The following NUDCD3 variants were observed in gnomAD, a reference collection of about 807,000 sequenced individuals.
NUDCD3 encodes nudC domain-containing protein 3.
NUDCD3 carries 13 observed loss-of-function variants against 39.7 expected under a neutral mutation model. The ratio of observed to expected loss-of-function variants is 0.33; its 90% CI spans 0.21 to 0.52. NUDCD3 has a LOEUF of 0.52. NUDCD3 is among the 20% of genes least tolerant of loss of function. The pLI is 0.96. For synonymous variants in NUDCD3, 175 were observed against 172.4 expected (o/e 1.02, Z -0.12); for missense variants, 453 against 458.1 (o/e 0.99, Z 0.10).
chr7:44,430,810 G>A (rs1435516856), intron 2 of NUDCD3, among the ~76,000 whole-genome samples: 3 of 152,164 alleles, frequency 2.0e-5, no homozygotes, highest in South Asian at 2.1e-4. Flanking sequence ...CCTCCTCCAG[G>A]GCAAAAGGCT....
Position 44,467,713 on chromosome 7 carries a change from T to C in NUDCD3, c.509+17255A>G, listed in dbSNP as rs1800149101. On this transcript the variant is annotated intron_variant, in intron 2 of 5. Transcript: ENST00000355451. ...GAATCCAAGAACCAAACCTAGTACT[T>C]AGCTTATACTGAAAGCTTTAATTAT... 2.0e-5 allele frequency among the ~76,000 whole-genome samples: 3 copies of C among 152,026 alleles called. No individual in the cohort carries two copies. In the South Asian group the frequency reaches 6.2e-4, roughly 32 times the overall value.
At chr7:44,485,388 GA>G in intron 1 of NUDCD3, 104 bp from the exon 2 acceptor site, 4 of 1,035,446 alleles carry the variant, frequency 3.9e-6, no homozygotes, top group East Asian at 2.5e-5. Flanking sequence ...CTAAAAGTCA[GA>G]AACTGACAAG....
chr7:44,429,536 T>G (rs563465426), intron 2 of NUDCD3, among the ~76,000 whole-genome samples: 53 of 152,276 alleles, frequency 3.5e-4, no homozygotes, highest in African/African-American at 1.2e-3. Flanking sequence ...AGACTTCCCC[T>G]CTAGGAACTG....
chr7:44,452,243 A>T (rs1424449494), intron 2 of NUDCD3, among the ~76,000 whole-genome samples: 1 of 152,208 alleles, frequency 6.6e-6, no homozygotes, highest in Non-Finnish European at 1.5e-5. Flanking sequence ...AGAAGTTCAA[A>T]ACCAGTCTAG....
At chr7:44,486,009 T>C (rs1295350676) in intron 1 of NUDCD3, among the ~76,000 whole-genome samples, 1 of 152,044 alleles carries the variant, frequency 6.6e-6, no homozygotes, top group Non-Finnish European at 1.5e-5. Flanking sequence ...CCTGTCAGGG[T>C]ATGGGTGGGA....
intron 3 of NUDCD3, among the ~76,000 whole-genome samples, chr7:44,413,599 T>C (rs1162935452): frequency 1.3e-5 from 2 of 152,204 alleles, no homozygotes; most frequent in Admixed American, 1.3e-4. Context: ...ATACTACACA[T>C]AGATACTATT....
At chr7:44,434,032 T>C (rs1287474367) in intron 2 of NUDCD3, among the ~76,000 whole-genome samples, 1 of 152,196 alleles carries the variant, frequency 6.6e-6, no homozygotes, top group Admixed American at 6.5e-5. Context: ...TTCTTCATTT[T>C]CAAAGCTTTA....
chr7:44,397,810 T>C (rs1798651286), intron 4 of NUDCD3, among the ~76,000 whole-genome samples: 1 of 152,154 alleles, frequency 6.6e-6, no homozygotes, highest in Non-Finnish European at 1.5e-5. Context: ...TGTCCTGAGT[T>C]ATTTCCTAAG....
chr7:44,446,501 G>C (rs560593939), intron 2 of NUDCD3, among the ~76,000 whole-genome samples: 1 of 152,228 alleles, frequency 6.6e-6, no homozygotes, highest in African/African-American at 2.4e-5. Context: ...CTTGGTGTTA[G>C]CCAATTTGAT....
intron 2 of NUDCD3, among the ~76,000 whole-genome samples, chr7:44,473,306 G>A (rs994474661): frequency 8.5e-5 from 13 of 152,156 alleles, no homozygotes; most frequent in African/African-American, 2.7e-4. Flanking sequence ...GCATTTTAAC[G>A]TAGCGGAGAA....
intron 2 of NUDCD3, among the ~76,000 whole-genome samples, chr7:44,447,735 C>A (rs1214006357): frequency 6.6e-6 from 1 of 152,192 alleles, no homozygotes; most frequent in African/African-American, 2.4e-5. Flanking sequence ...AACTGAAACA[C>A]CATCCTTGCA....
chr7:44,411,601 T>C (rs989177240), intron 3 of NUDCD3, among the ~76,000 whole-genome samples: 3 of 152,180 alleles, frequency 2.0e-5, no homozygotes, highest in Non-Finnish European at 4.4e-5. Context: ...GTAGGATAGC[T>C]ACAATTAAAA....
intron 2 of NUDCD3, among the ~76,000 whole-genome samples, chr7:44,470,230 CTT>C (rs1800226607): frequency 6.6e-6 from 1 of 152,158 alleles, no homozygotes; most frequent in Non-Finnish European, 1.5e-5. Context: ...ATATGCTAGT[CTT>C]TGGTTAGCTA....
chr7:44,442,763 G>A (rs1010386757), intron 2 of NUDCD3, among the ~76,000 whole-genome samples: 7 of 142,326 alleles, frequency 4.9e-5, no homozygotes, highest in African/African-American at 7.9e-5. Flanking sequence ...TGGCGCTATC[G>A]CGGCTCACTG....
chr7:44,426,795 CAAAAAAAA>C (rs777817601), intron 3 of NUDCD3, among the ~76,000 whole-genome samples: 3 of 54,784 alleles, frequency 5.5e-5, no homozygotes, highest in East Asian at 5.5e-4. Flanking sequence ...GACTCCGTCT[CAAAAAAAA>C]AAAAAAAAAA....
chr7:44,477,736 A>C (rs532364568), intron 2 of NUDCD3, among the ~76,000 whole-genome samples: 1 of 151,792 alleles, frequency 6.6e-6, no homozygotes, highest in Non-Finnish European at 1.5e-5. Flanking sequence ...GTCTGCAGGC[A>C]CTGGTCACCC....
chr7:44,441,143 T>C (rs1799576291), intron 2 of NUDCD3, among the ~76,000 whole-genome samples: 1 of 152,230 alleles, frequency 6.6e-6, no homozygotes, highest in Non-Finnish European at 1.5e-5. Flanking sequence ...ATTTGATTTA[T>C]CTAGAAGGTT....
intron 2 of NUDCD3, among the ~76,000 whole-genome samples, chr7:44,462,839 T>A (rs544066378): frequency 6.6e-6 from 1 of 152,322 alleles, no homozygotes; most frequent in African/African-American, 2.4e-5. Flanking sequence ...GAATACAACA[T>A]GTCTGATTCT....
intron 2 of NUDCD3, among the ~76,000 whole-genome samples, chr7:44,461,075 C>T (rs1585094618): frequency 1.3e-5 from 2 of 152,262 alleles, no homozygotes; most frequent in East Asian, 3.9e-4. Flanking sequence ...AAGACTATAC[C>T]CCTCCCAAGG....
Sources: gnomAD v4.1 joint callset for allele counts (sites outside exome capture counted in the v4.1 genomes callset) on GRCh38, gnomAD v4.1.1 for gene constraint, MANE v1.5 for transcripts, NCBI Gene and HGNC (gene_info 2026-07-23, HGNC 2026-07-21) for gene names.